TENT4B: variants seen among roughly 807,000 people sequenced by gnomAD.
TENT4B encodes the protein terminal nucleotidyltransferase 4B.
A neutral mutation model predicts 75.0 loss-of-function variants in TENT4B; 10 were observed. The ratio of observed to expected loss-of-function variants is 0.13; its 90% CI spans 0.08 to 0.23. The LOEUF is 0.23. Ranked by LOEUF, TENT4B falls within the 10% of genes least tolerant of loss-of-function variation. TENT4B has a pLI of 1.00. For synonymous variants in TENT4B, 350 were observed against 357.7 expected, an observed-to-expected ratio of 0.98 and a Z score of 0.24; for missense variants, 579 against 893.8, an observed-to-expected ratio of 0.65 and a Z score of 4.49.
rs1286672025 is a variant in TENT4B at position 50,187,234 on chromosome 16, C to T, written c.639-24089C>T. 2.0e-5 allele frequency among the ~76,000 whole-genome samples: 3 copies of T among 152,292 alleles called. No individual in the cohort carries two copies. In the East Asian group the frequency reaches 5.8e-4, roughly 29 times the overall value. On this transcript the variant is annotated intron_variant, in intron 1 of 11. Coordinates refer to ENST00000561678, the MANE Select transcript of TENT4B (RefSeq NM_001365324.3). ...TTTCTGCAGTTTTATGATTTTAGCT[C>T]CTAAGTTTAGGTCTTTGATCCATTT...
intron 1 of TENT4B, among the ~76,000 whole-genome samples, chr16:50,186,087 A>T (rs2038520856): frequency 6.6e-6 from 1 of 152,098 alleles, no homozygotes; most frequent in Admixed American, 6.6e-5. Context: ...GCCATTTTTA[A>T]GTTTACAAGT....
chr16:50,179,614 A>G (rs941638689), intron 1 of TENT4B, among the ~76,000 whole-genome samples: 2 of 152,182 alleles, frequency 1.3e-5, no homozygotes, highest in African/African-American at 4.8e-5. Context: ...CATTTGACCG[A>G]TTTGTTACAA....
intron 2 of TENT4B, among the ~76,000 whole-genome samples, chr16:50,213,098 C>T (rs867999992): frequency 6.6e-6 from 1 of 151,870 alleles, no homozygotes; most frequent in Non-Finnish European, 1.5e-5. Flanking sequence ...CTCGCTCTGT[C>T]GCCCAGGCTG....
Position 50,234,631 on chromosome 16 carries a change from G to A in TENT4B, c.*5303G>A. On this transcript the variant is annotated 3_prime_UTR_variant, in exon 12 of 12. Transcript: ENST00000561678. ...TTTTTGCATATTGAAACTTACAGAA[G>A]TCACTTTAAAAAAGTCTTTTGAAAG... 2.0e-6 allele frequency: 2 copies of A among 985,188 alleles called. No individual in the cohort carries two copies. The highest frequency in any genetic ancestry group is 2.4e-6 in the Non-Finnish European group (2 of 829,782). The allele number at this position is 985,188 out of a possible 1,614,324, so 61.0% of individuals were successfully genotyped here.
rs1342674692 is a variant in TENT4B at position 50,231,188 on chromosome 16, T to C, written c.*1860T>C. 1.0e-6 allele frequency: 1 copy of C among 985,124 alleles called. No homozygotes were observed. The highest frequency in any genetic ancestry group is 1.1e-4 in the East Asian group (1 of 8,830). 61.0% of individuals were successfully genotyped at this position (985,124 alleles called of 1,614,324 possible). On this transcript the variant is annotated 3_prime_UTR_variant, in exon 12 of 12. Transcript: ENST00000561678. Reference sequence around the variant, plus strand: ...TGGAAGATTTCAAATGTGATGTTATTTTGACAATGTTTTAAATTTTAGAGT... The same window carrying C: ...TGGAAGATTTCAAATGTGATGTTATCTTGACAATGTTTTAAATTTTAGAGT...
At chr16:50,202,906 A>G (rs1432526780) in intron 1 of TENT4B, among the ~76,000 whole-genome samples, 5 of 152,226 alleles carry the variant, frequency 3.3e-5, no homozygotes, top group Non-Finnish European at 7.3e-5. Context: ...CATCCTTCTG[A>G]AACATTGGCC....
At position 50,205,587 on chromosome 16, in the gene TENT4B, T is replaced by A. The variant is rs1215914721; in HGVS notation, c.639-5736T>A. Among the ~76,000 whole-genome samples the A allele has an allele frequency of 1.2e-3, 124 of 100,516 alleles. 4 individuals are homozygous for A. The highest frequency in any genetic ancestry group is 1.6e-3 in the Non-Finnish European group (85 of 52,634). 65.9% of individuals were successfully genotyped at this position (100,516 alleles called of 152,430 possible). On this transcript the variant is annotated intron_variant, in intron 1 of 11. Transcript: ENST00000561678. ...TTTTTTTTTTTTTTTTTTTTTTTTT[T>A]TTTTTTTTTTTTTTTTTTTTTGAGA...
Position 50,233,871 on chromosome 16 carries a change from T to C in TENT4B, c.*4543T>C, listed in dbSNP as rs1029993384. 1.0e-6 allele frequency: 1 copy of C among 985,460 alleles called. No individual in the cohort carries two copies. 61.0% of individuals were successfully genotyped at this position (985,460 alleles called of 1,614,324 possible). ...CTCCTGGATTTACTGAGAGATATTT[T>C]AGCTATGTCAATAAGAACAGCTAAT... On this transcript the variant is annotated 3_prime_UTR_variant, in exon 12 of 12. Transcript: ENST00000561678.
chr16:50,209,167 TC>T (rs964218137), intron 1 of TENT4B, among the ~76,000 whole-genome samples: 7 of 152,014 alleles, frequency 4.6e-5, no homozygotes, highest in African/African-American at 1.7e-4. Flanking sequence ...AGGAGATTTT[TC>T]CCCCCCATTG....
chr16:50,187,609 T>G (rs1195836795), intron 1 of TENT4B, among the ~76,000 whole-genome samples: 7 of 152,078 alleles, frequency 4.6e-5, no homozygotes, highest in African/African-American at 1.7e-4. Context: ...AAGTCAAACT[T>G]GAGTCTTTTG....
At chr16:50,216,326 T>C in intron 4 of TENT4B, 131 bp downstream of exon 4, 7 of 1,233,352 alleles carry the variant, frequency 5.7e-6, no homozygotes, top group Non-Finnish European at 7.8e-6. Context: ...GTCACCGTGC[T>C]TGCACATAAA....
At chr16:50,184,760 A>T (rs1289078633) in intron 1 of TENT4B, among the ~76,000 whole-genome samples, 1 of 152,020 alleles carries the variant, frequency 6.6e-6, no homozygotes, top group African/African-American at 2.4e-5. Context: ...CGGAGGGCAC[A>T]GTCTCACTCT....
At chr16:50,209,165 T>C (rs2031145658) in intron 1 of TENT4B, among the ~76,000 whole-genome samples, 1 of 152,190 alleles carries the variant, frequency 6.6e-6, no homozygotes, top group Non-Finnish European at 1.5e-5. Context: ...TTAGGAGATT[T>C]TTCCCCCCCA....
At chr16:50,209,022 C>T (rs1596726831) in intron 1 of TENT4B, among the ~76,000 whole-genome samples, 1 of 152,208 alleles carries the variant, frequency 6.6e-6, no homozygotes. Flanking sequence ...TGAGCCACTG[C>T]GCCTGGCCAG....
At chr16:50,221,404 G>A (rs2150744932) in intron 5 of TENT4B, among the ~76,000 whole-genome samples, 1 of 152,274 alleles carries the variant, frequency 6.6e-6, no homozygotes, top group South Asian at 2.1e-4. Context: ...AGCAAAAGGT[G>A]GACTCATTCT....
rs568213466 is a variant in TENT4B at position 50,232,299 on chromosome 16, C to G, written c.*2971C>G. 1.5e-3 allele frequency: 1,432 copies of G among 985,252 alleles called. 2 individuals are homozygous for G. Among genetic ancestry groups the G allele is most frequent in the Non-Finnish European group, 1.6e-3 (1,365 of 829,918 alleles). The allele number at this position is 985,252 out of a possible 1,614,324, so 61.0% of individuals were successfully genotyped here. ...GGATCTGTAGGACCTATGTTTTTTA[C>G]AAGTAATTGCCCTCCAGTCTTCAAC... On this transcript the variant is annotated 3_prime_UTR_variant, in exon 12 of 12. Transcript: ENST00000561678.
At chr16:50,225,032 A>G (rs777048241) in intron 9 of TENT4B, 38 bp downstream of exon 9, 3 of 1,609,378 alleles carry the variant, frequency 1.9e-6, no homozygotes, top group Non-Finnish European at 2.6e-6. Context: ...TGAGTATTAG[A>G]GGCTTTTCTG....
upstream of TENT4B, among the ~76,000 whole-genome samples, chr16:50,153,272 C>CTCGCTGCCG (rs1310198810): frequency 1.2e-4 from 16 of 138,648 alleles, no homozygotes; most frequent in Non-Finnish European, 2.2e-4. Context: ...GCAGGCGCGT[C>CTCGCTGCCG]TCGCTGCCGC....
rs1239541048 is a variant in TENT4B at position 50,153,379 on chromosome 16, G to T, written c.-243G>T. Among the ~76,000 whole-genome samples, 3 of 146,332 alleles carry T rather than the reference G, an allele frequency of 2.1e-5. No homozygotes were observed. Among genetic ancestry groups the T allele is most frequent in the African/African-American group, 4.9e-5 (2 of 40,764 alleles). On this transcript the variant is annotated 5_prime_UTR_variant, in exon 1 of 12. Coordinates refer to ENST00000561678, the MANE Select transcript of TENT4B (RefSeq NM_001365324.3). ...AGTGACAGGGGCTCGGCGGAGGGGC[G>T]GAGGGGCGGAGGGAGGGGGGGAGGG...
Sources: gnomAD v4.1 joint callset for allele counts (sites outside exome capture counted in the v4.1 genomes callset) on GRCh38, gnomAD v4.1.1 for gene constraint, MANE v1.5 for transcripts, NCBI Gene and HGNC (gene_info 2026-07-23, HGNC 2026-07-21) for gene names.